LPO: variants seen among roughly 807,000 people sequenced by gnomAD.
LPO encodes lactoperoxidase, also known as salivary peroxidase.
A neutral mutation model predicts 68.4 loss-of-function variants in LPO; 70 were observed. The observed-to-expected ratio is 1.02, with a 90% CI of 0.84 to 1.25. LPO has a LOEUF of 1.25. Among genes scored for constraint, LPO ranks in the 50% most tolerant of loss-of-function variants. The probability of loss-of-function intolerance (pLI) is 0.00; values close to 1 mark genes in which losing one functional copy is unlikely to be tolerated. For missense variants in LPO, 873 were observed against 908.4 expected, an observed-to-expected ratio of 0.96 and a Z score of 0.50; for synonymous variants, 360 against 357.6, an observed-to-expected ratio of 1.01 and a Z score of -0.08.
intron 7 of LPO, 98 bp downstream of exon 7, chr17:58,250,719 G>T: frequency 1.6e-6 from 2 of 1,270,442 alleles, no homozygotes; most frequent in Middle Eastern, 2.6e-4. Flanking sequence ...GATAGATCTG[G>T]GATACTGATT....
chr17:58,246,599 C>T (rs1247172469), intron 3 of LPO, among the ~76,000 whole-genome samples: 3 of 152,190 alleles, frequency 2.0e-5, no homozygotes, highest in Admixed American at 1.3e-4. Context: ...AAGGAAGGAA[C>T]ATCTGGAACC....
At chr17:58,264,526 A>G (rs1234443138) in intron 9 of LPO, among the ~76,000 whole-genome samples, 196 bp from the exon 10 acceptor site, 3 of 152,246 alleles carry the variant, frequency 2.0e-5, no homozygotes, top group African/African-American at 4.8e-5. Flanking sequence ...GTAAGAGATC[A>G]GCAGAAAAAA....
At position 58,267,979 on chromosome 17, in the gene LPO, C is replaced by T; in HGVS notation, c.2124C>T (p.Ala708=). 1 of 1,613,786 alleles carries T rather than the reference C, an allele frequency of 6.2e-7. No individual in the cohort carries two copies. Among genetic ancestry groups the T allele is most frequent in the Non-Finnish European group, 8.5e-7 (1 of 1,180,014 alleles). The change falls in exon 13 of 13, where the codon GCC becomes GCT. Residue 708 remains alanine, a synonymous_variant. Coordinates refer to ENST00000262290, the MANE Select transcript of LPO (RefSeq NM_006151.3). Reference sequence around the variant, plus strand: ...ACAAGCTGGACCTGTCACCCTGGGCCTCAGTGAAGAATTAGGGGCCCGCGC... The same window carrying T: ...ACAAGCTGGACCTGTCACCCTGGGCTTCAGTGAAGAATTAGGGGCCCGCGC... ...AIDKLDLSPW[A]SVKN
chr17:58,259,638 C>A (rs1685818138), intron 9 of LPO, among the ~76,000 whole-genome samples: 1 of 152,104 alleles, frequency 6.6e-6, no homozygotes, highest in African/African-American at 2.4e-5. Flanking sequence ...ATAGAAATTG[C>A]ATTAAAATTA....
rs1290552705 is a variant in LPO, at chr17:58,252,490, G to A, written c.1089G>A (p.Val363=). Residue 363 remains valine (V), a synonymous_variant, in exon 8 of 13, where the codon GTG becomes GTA. Transcript: ENST00000262290. ...AGTTCATCAACACCACTGCCCGTGT[G>A]CCCTGCTTCCTGGCAGGTGAGTCTA... ...PCEFINTTAR[V]PCFLAGDSRA... The A allele has an allele frequency of 2.5e-6, 4 of 1,611,336 alleles. No homozygotes were observed. The highest frequency in any genetic ancestry group is 3.4e-6 in the Non-Finnish European group (4 of 1,178,156).
intron 1 of LPO, chr17:58,242,770 A>G: frequency 2.0e-6 from 1 of 510,796 alleles, no homozygotes; most frequent in Non-Finnish European, 3.5e-6. Flanking sequence ...TTTCCCTTCC[A>G]CCATGTCTTC....
At position 58,266,129 on chromosome 17, in the gene LPO, T is replaced by C. The variant is rs937753752; in HGVS notation, c.1520-24T>C. The stretch of plus-strand genomic sequence containing the variant: ...TCCCACTCTTCCCCCAACCTAAGCA[T>C]GGCTTCTGGGTCTCCCTTGGCAGGT... On this transcript the variant is annotated intron_variant, in intron 10 of 12. Transcript: ENST00000262290. 2.5e-6 allele frequency: 4 copies of C among 1,608,656 alleles called. No individual in the cohort carries two copies. In the Admixed American group the frequency reaches 5.0e-5, roughly 20 times the overall value.
chr17:58,266,372 T>A, intron 11 of LPO, 46 bp downstream of exon 11: 1 of 1,585,838 alleles, frequency 6.3e-7, no homozygotes, highest in Non-Finnish European at 8.6e-7. Context: ...TTTAGCTAAC[T>A]TTCTAGGGCT....
At chr17:58,266,075 T>G (rs1598034587) in intron 10 of LPO, 78 bp from the exon 11 acceptor site, 2 of 1,403,884 alleles carry the variant, frequency 1.4e-6, no homozygotes, top group Non-Finnish European at 2.0e-6. Context: ...AAATGTCTGG[T>G]GGAGGCAGAG....
At position 58,267,436 on chromosome 17, in the gene LPO, C is replaced by T. The variant is rs756245102; in HGVS notation, c.1781C>T (p.Ala594Val). 1 of 1,614,230 alleles carries T rather than the reference C, an allele frequency of 6.2e-7. No homozygotes were observed. Among genetic ancestry groups the T allele is most frequent in the Admixed American group, 1.7e-5 (1 of 60,036 alleles). The change falls in exon 12 of 13, where the codon GCC (alanine) becomes GTC (valine). Residue 594 changes from alanine (A) to valine (V), a missense_variant. Coordinates refer to ENST00000262290, the MANE Select transcript of LPO (RefSeq NM_006151.3). ...LNTVLKSKMLAKKLLGLYGTP... is the reference protein window; with the variant it reads ...LNTVLKSKMLVKKLLGLYGTP... ...ACAGTGCTGAAGAGCAAGATGCTGGCCAAGAAGTTACTGGGTCTCTACGGG... is the reference window on the plus strand; with the variant it reads ...ACAGTGCTGAAGAGCAAGATGCTGGTCAAGAAGTTACTGGGTCTCTACGGG...
chr17:58,247,993 A>T (rs888372317), intron 4 of LPO, among the ~76,000 whole-genome samples: 1 of 152,190 alleles, frequency 6.6e-6, no homozygotes, highest in Non-Finnish European at 1.5e-5. Flanking sequence ...CAGTGTCACC[A>T]CTTCCTCTAG....
In LPO at chr17:58,264,987, A is replaced by T; in HGVS notation, c.1519+13A>T. 2 of 1,612,932 alleles carry T rather than the reference A, an allele frequency of 1.2e-6. No individual in the cohort carries two copies. The highest frequency in any genetic ancestry group is 8.5e-7 in the Non-Finnish European group (1 of 1,179,056). ...ATGGTCAAAGATGGTATGCCCTTTCAGGGAAGTGCTGTCACCTGGGTCTCC... is the reference window on the plus strand; with the variant it reads ...ATGGTCAAAGATGGTATGCCCTTTCTGGGAAGTGCTGTCACCTGGGTCTCC... On this transcript the variant is annotated intron_variant, in intron 10 of 12. Coordinates refer to ENST00000262290, the MANE Select transcript of LPO (RefSeq NM_006151.3).
In LPO at chr17:58,249,585, GC is replaced by G. The variant is rs750856669; in HGVS notation, c.465del (p.Ala156ProfsTer48). Reference sequence around the variant, plus strand: ...TTTCAGGAGGAAGCCTGCGCTGGGCGCCGCCAACAGGGCTCTGGCGCGCTGG... The same window carrying G: ...TTTCAGGAGGAAGCCTGCGCTGGGCGCGCCAACAGGGCTCTGGCGCGCTGG... ...CNNRRKPALG[A>X]ANRALARWLP... On this transcript the variant is annotated frameshift_variant, in exon 6 of 13. Coordinates refer to ENST00000262290, the MANE Select transcript of LPO (RefSeq NM_006151.3). LOFTEE classifies it high-confidence loss of function. The G allele has an allele frequency of 3.7e-6, 6 of 1,603,650 alleles. No homozygotes were observed. The highest frequency in any genetic ancestry group is 5.1e-6 in the Non-Finnish European group (6 of 1,179,178).
In LPO at chr17:58,267,446, AC is replaced by A; in HGVS notation, c.1792del (p.Leu598TrpfsTer14). ...LKSKMLAKKL[L>X]GLYGTPDNID... ...AGAGCAAGATGCTGGCCAAGAAGTT[AC>A]TGGGTCTCTACGGGACCCCTGACAA... On this transcript the variant is annotated frameshift_variant, in exon 12 of 13. Coordinates refer to ENST00000262290, the MANE Select transcript of LPO (RefSeq NM_006151.3). LOFTEE classifies it high-confidence loss of function. 6.2e-7 allele frequency: 1 copy of A among 1,614,232 alleles called. No homozygotes were observed. The highest frequency in any genetic ancestry group is 8.5e-7 in the Non-Finnish European group (1 of 1,180,030).
chr17:58,264,699 TC>T, intron 9 of LPO, 22 bp from the exon 10 acceptor site: 1 of 1,612,722 alleles, frequency 6.2e-7, no homozygotes, highest in Non-Finnish European at 8.5e-7. Context: ...CACCCTTTCC[TC>T]TTGATTTTAT....
chr17:58,255,825 A>G (rs552753040), intron 9 of LPO, among the ~76,000 whole-genome samples: 2 of 152,354 alleles, frequency 1.3e-5, no homozygotes, highest in Admixed American at 1.3e-4. Flanking sequence ...TAACAATGAT[A>G]TAAACCATAG....
chr17:58,256,729 G>A (rs555607771), intron 9 of LPO, among the ~76,000 whole-genome samples: 1 of 151,286 alleles, frequency 6.6e-6, no homozygotes, highest in South Asian at 2.1e-4. Flanking sequence ...CAGGAGAATC[G>A]CTTGAACCCA....
At chr17:58,266,415 T>A in intron 11 of LPO, 89 bp downstream of exon 11, 2 of 1,360,198 alleles carry the variant, frequency 1.5e-6, no homozygotes, top group Non-Finnish European at 2.0e-6. Context: ...CCTGAGGATC[T>A]GATCATCTGA....
In LPO at chr17:58,267,543, T is replaced by G. The variant is rs774476410; in HGVS notation, c.1888T>G (p.Cys630Gly). ...GGGTCGGGTGGGGCCTCTCCTGGCC[T>G]GCCTCTTGGGCAAGCAGTTCCAGCA... Reference protein sequence around the residue: ...ERGRVGPLLACLLGKQFQQIR... With the variant: ...ERGRVGPLLAGLLGKQFQQIR... Residue 630 changes from cysteine (C) to glycine (G), a missense_variant, in exon 12 of 13, where the codon TGC (cysteine) becomes GGC (glycine). Physicochemically the swap from Cys to Gly is radical, Grantham distance 159 (BLOSUM62 -3). Transcript: ENST00000262290. 123 of 1,613,456 alleles carry G rather than the reference T, an allele frequency of 7.6e-5. No individual in the cohort carries two copies. The highest frequency in any genetic ancestry group is 1.2e-4 in the Admixed American group (7 of 59,964).
Sources: gnomAD v4.1 joint callset for allele counts (sites outside exome capture counted in the v4.1 genomes callset) on GRCh38, gnomAD v4.1.1 for gene constraint, MANE v1.5 for transcripts, NCBI Gene and HGNC (gene_info 2026-07-23, HGNC 2026-07-21) for gene names.